ARHGAP22: variants seen among roughly 807,000 people sequenced by gnomAD.
ARHGAP22 encodes Rho GTPase activating protein 22, also known as rho GTPase-activating protein 22.
A neutral mutation model predicts 59.1 loss-of-function variants in ARHGAP22; 48 were observed. The ratio of observed to expected loss-of-function variants is 0.81; its 90% CI spans 0.64 to 1.03. The LOEUF (loss-of-function observed/expected upper bound fraction) is 1.03. ARHGAP22 is among the 50% of genes least tolerant of loss of function. The pLI is 0.00. For synonymous variants in ARHGAP22, 445 were observed against 416.4 expected, an observed-to-expected ratio of 1.07 and a Z score of -0.84; for missense variants, 1,015 against 958.7, an observed-to-expected ratio of 1.06 and a Z score of -0.78.
At chr10:48,611,423 G>T (rs571160505) in intron 1 of ARHGAP22, among the ~76,000 whole-genome samples, 3 of 152,254 alleles carry the variant, frequency 2.0e-5, no homozygotes, top group East Asian at 1.9e-4. Flanking sequence ...AGAAAAGAAG[G>T]GGGGAGGTCG....
the ARHGAP22 span, chr10:48,435,510 G>A: frequency 6.6e-6 from 1 of 152,322 alleles, no homozygotes; most frequent in African/African-American, 2.4e-5. Flanking sequence ...AACCCCAGAG[G>A]AGTGAGGGAA....
intron 3 of ARHGAP22, among the ~76,000 whole-genome samples, chr10:48,538,580 A>G (rs180902482): frequency 1.1e-3 from 172 of 152,340 alleles, no homozygotes; most frequent in Non-Finnish European, 1.0e-4. Flanking sequence ...GGATTCTGGT[A>G]TTCCAGAATA....
At chr10:48,493,665 C>T in intron 3 of ARHGAP22, 3 of 1,403,102 alleles carry the variant, frequency 2.1e-6, no homozygotes, top group Non-Finnish European at 2.8e-6. Context: ...TCCTGGGGAA[C>T]TTCTGCATTT....
intron 4 of ARHGAP22, among the ~76,000 whole-genome samples, chr10:48,470,446 G>A (rs565241998): frequency 6.6e-6 from 1 of 152,334 alleles, no homozygotes; most frequent in East Asian, 1.9e-4. Flanking sequence ...CCTCTGCCTT[G>A]GGGATCCAAG....
At chr10:48,626,654 C>T (rs749916332) in intron 1 of ARHGAP22, among the ~76,000 whole-genome samples, 5 of 152,146 alleles carry the variant, frequency 3.3e-5, no homozygotes, top group Non-Finnish European at 7.4e-5. Flanking sequence ...AATGTGCCCT[C>T]GCAGGAGACA....
chr10:48,550,412 C>G (rs185592816), intron 3 of ARHGAP22, among the ~76,000 whole-genome samples: 85 of 152,294 alleles, frequency 5.6e-4, no homozygotes, highest in African/African-American at 2.0e-3. Context: ...ACCAAACCAG[C>G]CTTGCCTTCC....
chr10:48,602,854 G>A (rs1410656580), intron 1 of ARHGAP22, among the ~76,000 whole-genome samples: 1 of 152,206 alleles, frequency 6.6e-6, no homozygotes, highest in Non-Finnish European at 1.5e-5. Flanking sequence ...CCTGGACTGG[G>A]GTGTGTGGGA....
chr10:48,512,841 T>C (rs2052919272), intron 3 of ARHGAP22, among the ~76,000 whole-genome samples: 1 of 152,160 alleles, frequency 6.6e-6, no homozygotes, highest in Non-Finnish European at 1.5e-5. Context: ...CCCACCTCCA[T>C]GTCACCACTT....
chr10:48,633,669 T>G (rs762449675), intron 1 of ARHGAP22, among the ~76,000 whole-genome samples: 1 of 152,208 alleles, frequency 6.6e-6, no homozygotes, highest in Non-Finnish European at 1.5e-5. Context: ...CCTGGCTTTC[T>G]CTAGACTGTT....
chr10:48,538,170 C>G (rs1416023354), intron 3 of ARHGAP22, among the ~76,000 whole-genome samples: 1 of 152,212 alleles, frequency 6.6e-6, no homozygotes, highest in Non-Finnish European at 1.5e-5. Flanking sequence ...CTTCCAGCTG[C>G]TGGTGACTTC....
At position 48,463,938 on chromosome 10, in the gene ARHGAP22, A is replaced by T. The variant is rs984477390; in HGVS notation, c.452-4047T>A. On this transcript the variant is annotated intron_variant, in intron 4 of 9. Coordinates refer to ENST00000249601, the MANE Select transcript of ARHGAP22 (RefSeq NM_021226.4). ...ACTGAAGGCCACAGTCAAGGAAGAG[A>T]TACATGGGGAAAAAATTCCAAAATT... 3.3e-5 allele frequency among the ~76,000 whole-genome samples: 5 copies of T among 152,176 alleles called. No homozygotes were observed. In the East Asian group the frequency reaches 9.6e-4, roughly 29 times the overall value.
chr10:48,560,793 A>T (rs1426807120), intron 2 of ARHGAP22, among the ~76,000 whole-genome samples: 1 of 152,160 alleles, frequency 6.6e-6, no homozygotes, highest in East Asian at 1.9e-4. Flanking sequence ...TAATATGATG[A>T]ATTACATTAA....
chr10:48,441,160 GTTTCT>G (rs1247240184), downstream of ARHGAP22, among the ~76,000 whole-genome samples: 2 of 152,152 alleles, frequency 1.3e-5, no homozygotes, highest in African/African-American at 2.4e-5. Context: ...TCTAATTGTA[GTTTCT>G]TTTCTTGTGA....
chr10:48,486,182 A>C (rs1170170843), intron 3 of ARHGAP22, among the ~76,000 whole-genome samples: 2 of 152,130 alleles, frequency 1.3e-5, no homozygotes, highest in Non-Finnish European at 2.9e-5. Flanking sequence ...ATTAAGTGAT[A>C]TTATACCCCT....
At chr10:48,520,494 A>G (rs554795401) in intron 3 of ARHGAP22, among the ~76,000 whole-genome samples, 1 of 152,298 alleles carries the variant, frequency 6.6e-6, no homozygotes, top group Admixed American at 6.5e-5. Flanking sequence ...CAGGGGGGCC[A>G]GGATGAGTGG....
At chr10:48,516,718 GAAGA>G (rs2053324275) in intron 3 of ARHGAP22, among the ~76,000 whole-genome samples, 2 of 152,120 alleles carry the variant, frequency 1.3e-5, no homozygotes, top group African/African-American at 2.4e-5. Flanking sequence ...CCAAGAAACA[GAAGA>G]AAGGGAATAG....
At chr10:48,547,164 C>T (rs941167117) in intron 3 of ARHGAP22, among the ~76,000 whole-genome samples, 32 of 152,142 alleles carry the variant, frequency 2.1e-4, no homozygotes, top group African/African-American at 7.7e-4. Context: ...GGCTTGCCTC[C>T]CCAGCTCTTC....
At chr10:48,559,118 A>T (rs1418262725) in intron 2 of ARHGAP22, among the ~76,000 whole-genome samples, 1 of 152,140 alleles carries the variant, frequency 6.6e-6, no homozygotes, top group African/African-American at 2.4e-5. Context: ...GCGCAAAGTG[A>T]GTGTCAGCAC....
intron 2 of ARHGAP22, among the ~76,000 whole-genome samples, chr10:48,580,932 G>GT (rs1491497526): frequency 9.7e-5 from 1 of 10,310 alleles, no homozygotes; most frequent in African/African-American, 1.7e-4. Context: ...ACAATCTAAA[G>GT]TAAAAAAAAA....
Sources: allele counts gnomAD v4.1 joint callset (sites outside exome capture counted in the v4.1 genomes callset), GRCh38; gene constraint gnomAD v4.1.1; transcripts MANE v1.5; gene names NCBI Gene and HGNC (gene_info 2026-07-23, HGNC 2026-07-21).